The following ITGA9 variants were observed in gnomAD, a reference collection of about 807,000 sequenced individuals.
ITGA9 encodes integrin alpha-9.
ITGA9 carries 56 observed loss-of-function variants against 127.8 expected under a neutral mutation model. The observed-to-expected ratio is 0.44, with a 90% confidence interval of 0.35 to 0.55. The LOEUF is 0.55. ITGA9 is among the 20% of genes least tolerant of loss of function. The probability of loss-of-function intolerance (pLI) is 0.00; values close to 1 mark genes in which losing one functional copy is unlikely to be tolerated. For missense variants in ITGA9, 1,196 were observed against 1,347.1 expected (o/e 0.89, Z 1.76); for synonymous variants, 508 against 514.5 (o/e 0.99, Z 0.17).
intron 15 of ITGA9, among the ~76,000 whole-genome samples, chr3:37,565,565 TG>T (rs1199954832): frequency 6.6e-6 from 1 of 152,332 alleles, no homozygotes; most frequent in East Asian, 1.9e-4. Flanking sequence ...TCATGGGTGG[TG>T]GGTACAGCAT....
chr3:37,619,683 G>C (rs1239386561), intron 15 of ITGA9, among the ~76,000 whole-genome samples: 1 of 152,200 alleles, frequency 6.6e-6, no homozygotes, highest in Non-Finnish European at 1.5e-5. Context: ...AGGAGTCTGA[G>C]CATGGCCTGC....
intron 2 of ITGA9, among the ~76,000 whole-genome samples, chr3:37,472,031 G>T (rs1229412692): frequency 6.6e-6 from 1 of 152,172 alleles, no homozygotes; most frequent in Admixed American, 6.5e-5. Context: ...TCCAGCCTGG[G>T]TGACAGAACT....
At chr3:37,755,770 G>A (rs2125540377) in intron 23 of ITGA9, among the ~76,000 whole-genome samples, 1 of 152,140 alleles carries the variant, frequency 6.6e-6, no homozygotes, top group African/African-American at 2.4e-5. Flanking sequence ...AGAGTTAGAA[G>A]TCAAGAGAGA....
At chr3:37,782,124 CGCAGGCCAG>C (rs1696982540) in intron 25 of ITGA9, among the ~76,000 whole-genome samples, 1 of 152,192 alleles carries the variant, frequency 6.6e-6, no homozygotes, top group Non-Finnish European at 1.5e-5. Flanking sequence ...GAAATGTGTC[CGCAGGCCAG>C]GCTGGAGGAC....
chr3:37,460,129 A>G (rs917991438), intron 1 of ITGA9, among the ~76,000 whole-genome samples: 2 of 147,654 alleles, frequency 1.4e-5, no homozygotes, highest in East Asian at 1.9e-4. Flanking sequence ...TCTGAGTTCT[A>G]CTGGCTCCCA....
At chr3:37,554,757 C>T (rs1699413717) in intron 15 of ITGA9, among the ~76,000 whole-genome samples, 1 of 152,100 alleles carries the variant, frequency 6.6e-6, no homozygotes, top group African/African-American at 2.4e-5. Context: ...AGGGTCACTC[C>T]AAGCTTTTCA....
intron 4 of ITGA9, among the ~76,000 whole-genome samples, chr3:37,491,824 CA>C (rs746528799): frequency 8.5e-5 from 13 of 152,142 alleles, no homozygotes; most frequent in Non-Finnish European, 1.6e-4. Flanking sequence ...CGTACATGAA[CA>C]TTTAGAAGAT....
chr3:37,495,040 C>G lies in ITGA9; in HGVS notation c.612+472C>G, dbSNP rs143795932. Reference sequence around the variant, plus strand: ...TCAAGCTGGAGTGCAGTGGCATGATCTCGGCTCACTGCAATCTCCGCCTCC... The same window carrying G: ...TCAAGCTGGAGTGCAGTGGCATGATGTCGGCTCACTGCAATCTCCGCCTCC... On this transcript the variant is annotated intron_variant, in intron 5 of 27. Transcript: ENST00000264741. Among the ~76,000 whole-genome samples the G allele has an allele frequency of 8.7e-3, 1,323 of 152,240 alleles. 14 individuals are homozygous for G. The highest frequency in any genetic ancestry group is 0.03 in the African/African-American group (1,234 of 41,534).
At chr3:37,696,756 A>G (rs1240966215) in intron 18 of ITGA9, among the ~76,000 whole-genome samples, 2 of 152,098 alleles carry the variant, frequency 1.3e-5, no homozygotes, top group African/African-American at 2.4e-5. Flanking sequence ...GCACAATTCT[A>G]TTTATTCTTG....
intron 18 of ITGA9, among the ~76,000 whole-genome samples, chr3:37,704,838 G>T (rs1377142135): frequency 6.6e-6 from 1 of 152,180 alleles, no homozygotes; most frequent in Non-Finnish European, 1.5e-5. Flanking sequence ...GTACAATGTG[G>T]GCAATGCTGG....
intron 26 of ITGA9, 75 bp downstream of exon 26, chr3:37,785,153 A>C: frequency 9.7e-7 from 1 of 1,027,518 alleles, no homozygotes; most frequent in Non-Finnish European, 1.5e-6. Context: ...TGGAGCTGGA[A>C]TTTGAGGGTC....
At chr3:37,487,043 G>T (rs1318487415) in intron 4 of ITGA9, among the ~76,000 whole-genome samples, 1 of 152,088 alleles carries the variant, frequency 6.6e-6, no homozygotes, top group Non-Finnish European at 1.5e-5. Flanking sequence ...ATCAACGAAG[G>T]TCCATTTACA....
chr3:37,465,403 G>C (rs1028764603), intron 1 of ITGA9, among the ~76,000 whole-genome samples: 3 of 152,204 alleles, frequency 2.0e-5, no homozygotes, highest in Non-Finnish European at 1.5e-5. Context: ...CACCAGGAGG[G>C]GGTTTGGAGA....
chr3:37,802,284 A>T (rs1697245031), intron 26 of ITGA9, among the ~76,000 whole-genome samples: 1 of 152,240 alleles, frequency 6.6e-6, no homozygotes. Flanking sequence ...GATGGAAGCC[A>T]GGCCCTAAAA....
At chr3:37,782,929 G>C (rs1316977305) in intron 25 of ITGA9, among the ~76,000 whole-genome samples, 1 of 152,176 alleles carries the variant, frequency 6.6e-6, no homozygotes, top group Non-Finnish European at 1.5e-5. Context: ...CACAAGGTCA[G>C]GAATTCAAGA....
chr3:37,617,100 A>G (rs963802446), intron 15 of ITGA9, among the ~76,000 whole-genome samples: 194 of 142,252 alleles, frequency 1.4e-3, no homozygotes, highest in South Asian at 2.5e-3. Flanking sequence ...GTGGCTGGTA[A>G]TGGTTGTTCC....
chr3:37,525,509 T>G (rs1699084626), intron 12 of ITGA9, among the ~76,000 whole-genome samples: 1 of 152,136 alleles, frequency 6.6e-6, no homozygotes, highest in Non-Finnish European at 1.5e-5. Flanking sequence ...TCCATGTTCT[T>G]CAGAACCTAG....
At chr3:37,695,080 C>T (rs1700870722) in intron 18 of ITGA9, among the ~76,000 whole-genome samples, 1 of 152,162 alleles carries the variant, frequency 6.6e-6, no homozygotes, top group Admixed American at 6.5e-5. Flanking sequence ...GTGAGTTACG[C>T]CAAGGTACTG....
chr3:37,744,369 C>T (rs1164981405), intron 22 of ITGA9, among the ~76,000 whole-genome samples: 4 of 152,198 alleles, frequency 2.6e-5, no homozygotes, highest in Non-Finnish European at 5.9e-5. Flanking sequence ...TCCATCATTC[C>T]CCACCTTCTG....
Sources: allele counts gnomAD v4.1 joint callset (sites outside exome capture counted in the v4.1 genomes callset), GRCh38; gene constraint gnomAD v4.1.1; transcripts MANE v1.5; gene names NCBI Gene and HGNC (gene_info 2026-07-23, HGNC 2026-07-21).